ANKRD11: variants seen among roughly 807,000 people sequenced by gnomAD.
The protein encoded by ANKRD11 is ankyrin repeat domain-containing protein 11.
In ANKRD11, 17 loss-of-function variants were observed where a neutral mutation model predicts 195.7. That is an observed-to-expected ratio of 0.09 (90% CI 0.06 to 0.13). The LOEUF is 0.13. Ranked by LOEUF, ANKRD11 falls within the 10% of genes least tolerant of loss-of-function variation. ANKRD11 has a pLI of 1.00. For synonymous variants in ANKRD11, 1,953 were observed against 1,528.1 expected (o/e 1.28, Z -6.49); for missense variants, 3,735 against 3,566.1 (o/e 1.05, Z -1.21).
Position 89,317,098 on chromosome 16 carries a change from C to G in ANKRD11, c.-59-20G>C, listed in dbSNP as rs549977029. On this transcript the variant is annotated intron_variant, in intron 2 of 12. Transcript: ENST00000301030. Reference sequence around the variant, plus strand: ...CGTCTGCTTCAAAAGAGAAGACACACAATTCACTGAATTCAGAGGCAGCTC... The same window carrying G: ...CGTCTGCTTCAAAAGAGAAGACACAGAATTCACTGAATTCAGAGGCAGCTC... The G allele has an allele frequency of 1.1e-5, 16 of 1,457,436 alleles. No homozygotes were observed. The East Asian group carries it at 3.6e-4, about 33-fold the overall frequency. 90.3% of individuals were successfully genotyped at this position (1,457,436 alleles called of 1,614,324 possible). A position where few individuals can be genotyped will look rare whatever the true frequency, so the allele number is the denominator to read the frequency against.
At chr16:89,332,294 A>C (rs1308911688) in intron 2 of ANKRD11, among the ~76,000 whole-genome samples, 1 of 152,194 alleles carries the variant, frequency 6.6e-6, no homozygotes, top group Non-Finnish European at 1.5e-5. Context: ...CTCATGAGAA[A>C]CACCTGGTGA....
intron 2 of ANKRD11, chr16:89,323,214 T>A: frequency 1.1e-6 from 1 of 935,986 alleles, no homozygotes; most frequent in Non-Finnish European, 1.5e-6. Context: ...TCCAACGGAC[T>A]GAGCGGAGGA....
chr16:89,351,112 C>G (rs1416371797), intron 2 of ANKRD11, among the ~76,000 whole-genome samples: 1 of 152,212 alleles, frequency 6.6e-6, no homozygotes, highest in Admixed American at 6.5e-5. Flanking sequence ...CAAAGAAGCT[C>G]TCAGAGAGAA....
At position 89,283,421 on chromosome 16, in the gene ANKRD11, A is replaced by T; in HGVS notation, c.3121T>A (p.Ser1041Thr). 3 of 1,613,804 alleles carry T rather than the reference A, an allele frequency of 1.9e-6. No homozygotes were observed. Among genetic ancestry groups the T allele is most frequent in the Non-Finnish European group, 2.5e-6 (3 of 1,179,970 alleles). Residue 1041 changes from serine to threonine, a missense_variant, in exon 9 of 13, where the codon TCA becomes ACA. By Grantham distance (58) the Ser-to-Thr change is moderately conservative. Transcript: ENST00000301030. This position sits in a 1 kb window ranked among gnomAD's most constrained non-coding sequence, Gnocchi z 4.3. ...KSSDKDKSEK[S>T]ILEKCQKDKE... The stretch of plus-strand genomic sequence containing the variant: ...TCCTTCTGACATTTTTCCAGGATTG[A>T]TTTCTCACTTTTGTCCTTGTCACTG...
intron 2 of ANKRD11, among the ~76,000 whole-genome samples, chr16:89,394,596 C>A (rs978697446): frequency 6.6e-6 from 1 of 151,336 alleles, no homozygotes; most frequent in Non-Finnish European, 1.5e-5. Flanking sequence ...CCACTGCACT[C>A]CAGCCTGGGC....
chr16:89,284,980 G>A lies in ANKRD11; in HGVS notation c.1562C>T (p.Ser521Phe). The change falls in exon 9 of 13, where the codon TCC becomes TTC. Residue 521 changes from serine to phenylalanine, a missense_variant. By Grantham distance (155) the Ser-to-Phe change is radical. Coordinates refer to ENST00000301030, the MANE Select transcript of ANKRD11 (RefSeq NM_013275.6). The stretch of plus-strand genomic sequence containing the variant: ...AGAGCTCCCGTGAGACGAGGTGGAG[G>A]AGGCAGAGAGGGAGCTGAACAGGGA... ...DPSLFSSLSASSTSSHGSSAA... is the reference protein window; with the variant it reads ...DPSLFSSLSAFSTSSHGSSAA... 7 of 1,614,106 alleles carry A rather than the reference G, an allele frequency of 4.3e-6. No individual in the cohort carries two copies. Among genetic ancestry groups the A allele is most frequent in the Non-Finnish European group, 5.1e-6 (6 of 1,180,000 alleles).
chr16:89,367,449 G>A (rs1247150969), intron 2 of ANKRD11, among the ~76,000 whole-genome samples: 4 of 152,216 alleles, frequency 2.6e-5, no homozygotes, highest in South Asian at 4.1e-4. Context: ...TCAAACGACC[G>A]GGAGTCTCAG....
rs539561128 is a variant in ANKRD11 at position 89,391,186 on chromosome 16, C to T, written c.-60+27098G>A. On this transcript the variant is annotated intron_variant, in intron 2 of 12. Coordinates refer to ENST00000301030, the MANE Select transcript of ANKRD11 (RefSeq NM_013275.6). ...GAGCTTGCAGTGAGCCGAGATCGCG[C>T]CACTGAACTCCAGCCTGGGCGACAG... Among the ~76,000 whole-genome samples the T allele has an allele frequency of 2.0e-5, 3 of 150,124 alleles. No individual in the cohort carries two copies. In the South Asian group the frequency reaches 6.3e-4, roughly 32 times the overall value.
chr16:89,460,130 C>T (rs1214690592), intron 1 of ANKRD11, among the ~76,000 whole-genome samples: 4 of 151,774 alleles, frequency 2.6e-5, no homozygotes, highest in East Asian at 1.9e-4. Flanking sequence ...CCCAGCTACT[C>T]GGGAGGCTGA....
intron 1 of ANKRD11, among the ~76,000 whole-genome samples, chr16:89,484,558 G>A (rs1023784275): frequency 6.6e-6 from 1 of 152,108 alleles, no homozygotes; most frequent in Non-Finnish European, 1.5e-5. Context: ...AGCATCCTAA[G>A]TCTGAAAAGA....
rs141036955 is a variant in ANKRD11 at position 89,284,913 on chromosome 16, G to C, written c.1629C>G (p.Thr543=). ...TCCAATTGTCTGTCCGCCAGTGCTT[G>C]GTGTGCTGGTCTGTGTGGCTGGGGT... ...KQNPSHTDQH[T]KHWRTDNWKT... The change falls in exon 9 of 13, where the codon ACC becomes ACG. Residue 543 remains threonine (T), a synonymous_variant. Transcript: ENST00000301030. 1 of 1,614,180 alleles carries C rather than the reference G, an allele frequency of 6.2e-7. No individual in the cohort carries two copies. The highest frequency in any genetic ancestry group is 8.5e-7 in the Non-Finnish European group (1 of 1,180,038).
intron 3 of ANKRD11, among the ~76,000 whole-genome samples, chr16:89,305,716 ACCTCCCACTCCGCAGACACGC>A: frequency 8.0e-5 from 1 of 12,518 alleles, no homozygotes; most frequent in Non-Finnish European, 1.4e-4. Context: ...GACACGCGCC[ACCTCCCACTCCGCAGACACGC>A]GCCACCTACC....
intron 11 of ANKRD11, chr16:89,271,168 G>T: frequency 1.9e-6 from 1 of 527,440 alleles, no homozygotes; most frequent in Non-Finnish European, 3.5e-6. Context: ...GGCCCCACCT[G>T]TGAGCCGGTC....
chr16:89,470,548 G>C (rs1051572687), intron 1 of ANKRD11, among the ~76,000 whole-genome samples: 2 of 152,114 alleles, frequency 1.3e-5, no homozygotes, highest in Non-Finnish European at 2.9e-5. Context: ...TAGTCTCTAA[G>C]AAATCTCATG....
chr16:89,383,629 C>T (rs755705491), intron 2 of ANKRD11, among the ~76,000 whole-genome samples: 4 of 152,094 alleles, frequency 2.6e-5, no homozygotes, highest in Non-Finnish European at 5.9e-5. Flanking sequence ...CCCCTGCCCT[C>T]GGACCAGCAA....
chr16:89,379,593 C>G (rs1015201962), intron 2 of ANKRD11, among the ~76,000 whole-genome samples: 1 of 152,220 alleles, frequency 6.6e-6, no homozygotes, highest in African/African-American at 2.4e-5. Flanking sequence ...ACACTTCTGC[C>G]TCAGCCTCCT....
chr16:89,349,370 C>T (rs1421947656), intron 2 of ANKRD11, among the ~76,000 whole-genome samples: 1 of 151,748 alleles, frequency 6.6e-6, no homozygotes, highest in East Asian at 1.9e-4. Context: ...GTCCCAGCTA[C>T]TTGGAAGGCT....
rs542077760 is a variant in ANKRD11, at chr16:89,280,470, C to T, written c.6072G>A (p.Pro2024=). 2.7e-5 allele frequency: 43 copies of T among 1,601,766 alleles called. No individual in the cohort carries two copies. The highest frequency in any genetic ancestry group is 1.9e-4 in the South Asian group (17 of 90,258). The change falls in exon 9 of 13, where the codon CCG becomes CCA. Residue 2024 remains proline, a synonymous_variant. Coordinates refer to ENST00000301030, the MANE Select transcript of ANKRD11 (RefSeq NM_013275.6). ...CCGGCTCAGCGACGGGCAGAGCGTA[C>T]GGGGCAGGAGAGGCGGGAGGGGCGG... ...PYPAPPASPA[P]YALPVAEPGL...
chr16:89,314,581 G>A (rs879366186), intron 3 of ANKRD11, among the ~76,000 whole-genome samples: 8 of 152,088 alleles, frequency 5.3e-5, no homozygotes, highest in Non-Finnish European at 8.8e-5. Context: ...TGCCTTCCCT[G>A]CAAGTCCACT....
Sources: allele counts gnomAD v4.1 joint callset (sites outside exome capture counted in the v4.1 genomes callset), GRCh38; gene constraint gnomAD v4.1.1; non-coding constraint Gnocchi (gnomAD v3.1); transcripts MANE v1.5; gene names NCBI Gene and HGNC (gene_info 2026-07-23, HGNC 2026-07-21).